GLIS1: variants seen among roughly 807,000 people sequenced by gnomAD.
GLIS1 encodes GLIS family zinc finger 1, also known as zinc finger protein GLIS1.
A neutral mutation model predicts 63.8 loss-of-function variants in GLIS1; 24 were observed. That is an observed-to-expected ratio of 0.38 (90% CI 0.27 to 0.53). The LOEUF is 0.53. Ranked by LOEUF, GLIS1 falls within the 20% of genes least tolerant of loss-of-function variation. GLIS1 has a pLI of 0.85. For missense variants in GLIS1, 1,036 were observed against 1,074.1 expected (o/e 0.96, Z 0.50); for synonymous variants, 450 against 482.5 (o/e 0.93, Z 0.88).
At chr1:53,632,027 C>T (rs775312060) in intron 2 of GLIS1, among the ~76,000 whole-genome samples, 49 of 137,176 alleles carry the variant, frequency 3.6e-4, no homozygotes, top group Non-Finnish European at 6.5e-4. Flanking sequence ...TGACTGAGAC[C>T]GGGGGAGTAA....
At chr1:53,615,350 T>G (rs965740862) in intron 2 of GLIS1, among the ~76,000 whole-genome samples, 1 of 152,118 alleles carries the variant, frequency 6.6e-6, no homozygotes, top group African/African-American at 2.4e-5. Flanking sequence ...CTCTCTTCCC[T>G]CCTAGTGCCA....
At chr1:53,723,526 G>A (rs557810401) in intron 2 of GLIS1, among the ~76,000 whole-genome samples, 17 of 152,062 alleles carry the variant, frequency 1.1e-4, no homozygotes, top group Admixed American at 7.9e-4. Context: ...GAGCCACCGC[G>A]CCTGGCCTTA....
chr1:53,510,174 T>C, intron 8 of GLIS1, 147 bp from the exon 9 acceptor site: 2 of 422,324 alleles, frequency 4.7e-6, no homozygotes, highest in Non-Finnish European at 8.1e-6. Flanking sequence ...GAAGAGGAGC[T>C]TTTATTTTTG....
chr1:53,708,261 C>A (rs1457464136), intron 2 of GLIS1, among the ~76,000 whole-genome samples: 2 of 151,690 alleles, frequency 1.3e-5, no homozygotes, highest in East Asian at 3.9e-4. Flanking sequence ...CCAGCCTGGG[C>A]ACAGCAGAGG....
intron 2 of GLIS1, among the ~76,000 whole-genome samples, chr1:53,667,897 A>G (rs1487885021): frequency 6.6e-6 from 1 of 152,202 alleles, no homozygotes; most frequent in African/African-American, 2.4e-5. Flanking sequence ...GAGAGGCCCC[A>G]TTCAAACCAT....
chr1:53,735,140 T>C (rs1338925743), intron 2 of GLIS1, among the ~76,000 whole-genome samples: 2 of 152,176 alleles, frequency 1.3e-5, no homozygotes, highest in African/African-American at 4.8e-5. Flanking sequence ...AGCCATACTG[T>C]CTTCTCTCCG....
chr1:53,707,204 A>G (rs530480265), intron 2 of GLIS1, among the ~76,000 whole-genome samples: 68 of 152,294 alleles, frequency 4.5e-4, no homozygotes, highest in African/African-American at 1.6e-3. Context: ...GAGAAAGAAG[A>G]TAAGGATGAG....
At chr1:53,719,731 G>A (rs1395695018) in intron 2 of GLIS1, among the ~76,000 whole-genome samples, 2 of 152,096 alleles carry the variant, frequency 1.3e-5, no homozygotes, top group East Asian at 3.9e-4. Context: ...TGGAGAAAGG[G>A]GGATACTCAG....
At chr1:53,638,823 G>C (rs1305423798) in intron 2 of GLIS1, among the ~76,000 whole-genome samples, 1 of 152,182 alleles carries the variant, frequency 6.6e-6, no homozygotes, top group African/African-American at 2.4e-5. Context: ...AGCACATGAC[G>C]AGGCGGGCCC....
rs541390443 is a variant in GLIS1, at chr1:53,594,729, G to C, written c.699C>G (p.Pro233=). The change falls in exon 4 of 11, where the codon CCC becomes CCG. Residue 233 remains proline (P), a synonymous_variant. Transcript: ENST00000628545. ...GLGLQPETHL[P]EGSLKRCCVL... is the part of the protein sequence containing the mutation. ...CGCAGCACCGCTTCAGGCTGCCCTC[G>C]GGGAGGTGGGTCTCGGGCTGGAGGC... is the stretch of plus-strand genomic sequence containing the variant. The C allele has an allele frequency of 2.6e-6, 4 of 1,568,422 alleles. No homozygotes were observed. The highest frequency in any genetic ancestry group is 3.5e-6 in the Non-Finnish European group (4 of 1,156,776).
chr1:53,664,018 G>C (rs973519193), intron 2 of GLIS1, among the ~76,000 whole-genome samples: 1 of 152,212 alleles, frequency 6.6e-6, no homozygotes, highest in Non-Finnish European at 1.5e-5. Flanking sequence ...GATCTGGAAG[G>C]TGGCAGAGAA....
chr1:53,680,892 C>T (rs532963644), intron 2 of GLIS1, among the ~76,000 whole-genome samples: 1 of 152,322 alleles, frequency 6.6e-6, no homozygotes, highest in Non-Finnish European at 1.5e-5. Context: ...TGGACAAGAG[C>T]TTTACCCTTC....
intron 2 of GLIS1, among the ~76,000 whole-genome samples, chr1:53,634,772 G>A (rs1031462721): frequency 2.0e-5 from 3 of 152,200 alleles, no homozygotes; most frequent in Non-Finnish European, 2.9e-5. Context: ...TCCAACCCCA[G>A]AGTGGGTGGG....
At chr1:53,612,944 G>A (rs1645441273) in intron 2 of GLIS1, among the ~76,000 whole-genome samples, 1 of 150,892 alleles carries the variant, frequency 6.6e-6, no homozygotes, top group Non-Finnish European at 1.5e-5. Context: ...TCAGCCTCCC[G>A]AGTAGCTGGA....
chr1:53,697,959 C>T (rs2100482926), intron 2 of GLIS1, among the ~76,000 whole-genome samples: 1 of 152,198 alleles, frequency 6.6e-6, no homozygotes, highest in Non-Finnish European at 1.5e-5. Flanking sequence ...GGGGACAGAG[C>T]AGGGTTATTC....
At chr1:53,710,846 GTAAT>G (rs1646639588) in intron 2 of GLIS1, among the ~76,000 whole-genome samples, 1 of 152,160 alleles carries the variant, frequency 6.6e-6, no homozygotes, top group African/African-American at 2.4e-5. Context: ...CCTAAACAGA[GTAAT>G]TAGAGTGGTG....
chr1:53,674,247 G>A (rs1166940557), intron 2 of GLIS1, among the ~76,000 whole-genome samples: 1 of 151,804 alleles, frequency 6.6e-6, no homozygotes, highest in African/African-American at 2.4e-5. Context: ...ACCTGTGTGA[G>A]AGTGGCTTTG....
At chr1:53,687,030 G>A (rs2948042) in intron 2 of GLIS1, among the ~76,000 whole-genome samples, 94,794 of 152,156 alleles carry the variant, frequency 0.62, 32,213 homozygotes, top group Non-Finnish European at 0.74. Flanking sequence ...CTGCCAGTGA[G>A]GCCACTGAGG....
rs1398079937 is a variant in GLIS1, at chr1:53,646,945, G to T, written c.260-46667C>A. ...GGAAGGAAGGAAAGAAGGAAGGAAA[G>T]GGAAGGGAAGGGAAGGAAAGGAAGG... On this transcript the variant is annotated intron_variant, in intron 2 of 10. Coordinates refer to ENST00000628545, the MANE Select transcript of GLIS1 (RefSeq NM_001367484.1). This position sits in a 1 kb window ranked among gnomAD's most constrained non-coding sequence, Gnocchi z 4.2. Among the ~76,000 whole-genome samples the T allele has an allele frequency of 6.2e-5, 7 of 112,500 alleles. No homozygotes were observed. The highest frequency in any genetic ancestry group is 2.5e-4 in the Admixed American group (3 of 12,138). 73.8% of individuals were successfully genotyped at this position (112,500 alleles called of 152,430 possible).
Sources: gnomAD v4.1 joint callset for allele counts (sites outside exome capture counted in the v4.1 genomes callset) on GRCh38, gnomAD v4.1.1 for gene constraint, Gnocchi (gnomAD v3.1) non-coding constraint, MANE v1.5 for transcripts, NCBI Gene and HGNC (gene_info 2026-07-23, HGNC 2026-07-21) for gene names.